SPIDR: variants seen among roughly 807,000 people sequenced by gnomAD.
The protein encoded by SPIDR is DNA repair-scaffolding protein.
A neutral mutation model predicts 104.6 loss-of-function variants in SPIDR; 93 were observed. That is an observed-to-expected ratio of 0.89 (90% CI 0.75 to 1.06). SPIDR has a LOEUF of 1.06. Ranked by LOEUF, SPIDR falls within the 50% of genes least tolerant of loss-of-function variation. SPIDR has a pLI of 0.00. For synonymous variants in SPIDR, 431 were observed against 416.9 expected (o/e 1.03, Z -0.41); for missense variants, 1,154 against 1,111.2 (o/e 1.04, Z -0.55).
At chr8:47,607,814 A>T (rs548448689) in intron 10 of SPIDR, among the ~76,000 whole-genome samples, 1 of 151,984 alleles carries the variant, frequency 6.6e-6, no homozygotes, top group Non-Finnish European at 1.5e-5. Context: ...GAATAAAGAC[A>T]TATCAGAACC....
intron 16 of SPIDR, among the ~76,000 whole-genome samples, chr8:47,725,678 C>T (rs1195960124): frequency 6.6e-6 from 1 of 152,238 alleles, no homozygotes; most frequent in Non-Finnish European, 1.5e-5. Flanking sequence ...GCATGAGCCA[C>T]TGTGCCCAAC....
chr8:47,575,409 C>T (rs902666956), intron 8 of SPIDR, among the ~76,000 whole-genome samples: 2 of 151,628 alleles, frequency 1.3e-5, no homozygotes, highest in African/African-American at 4.8e-5. Context: ...TTTGGGAGGC[C>T]GAGGCGGGCG....
At chr8:47,394,118 G>A (rs1314663071) in intron 5 of SPIDR, among the ~76,000 whole-genome samples, 2 of 152,144 alleles carry the variant, frequency 1.3e-5, no homozygotes, top group African/African-American at 4.8e-5. Context: ...TGTTGGCCAG[G>A]CTGCTTTCAA....
At chr8:47,671,919 A>G (rs1239965503) in intron 10 of SPIDR, among the ~76,000 whole-genome samples, 5 of 151,988 alleles carry the variant, frequency 3.3e-5, no homozygotes, top group Non-Finnish European at 2.9e-5. Flanking sequence ...TTGGATTTCC[A>G]TTTCGTTGTC....
At chr8:47,632,903 G>A (rs1297951751) in intron 10 of SPIDR, among the ~76,000 whole-genome samples, 1 of 152,220 alleles carries the variant, frequency 6.6e-6, no homozygotes, top group Non-Finnish European at 1.5e-5. Flanking sequence ...CAAGGGGCCT[G>A]CAGCGGAAGC....
At chr8:47,498,846 C>T (rs2079871384) in intron 8 of SPIDR, among the ~76,000 whole-genome samples, 1 of 152,076 alleles carries the variant, frequency 6.6e-6, no homozygotes, top group Non-Finnish European at 1.5e-5. Context: ...ATTGCCGTGC[C>T]CTTACTTAGC....
Position 47,505,044 on chromosome 8 carries a change from TGAA to T in SPIDR, c.1097+64504_1097+64506del, listed in dbSNP as rs575172987. Among the ~76,000 whole-genome samples, 961 of 152,268 alleles carry T rather than the reference TGAA, an allele frequency of 6.3e-3. 8 individuals carry two copies. Among genetic ancestry groups the T allele is most frequent in the Non-Finnish European group, 0.011 (720 of 68,006 alleles). ...GTGTGAGGTGTCAGTCTGCCCCTAC[TGAA>T]GGGTGCCTCCCAGTTAGGCTACTCA... On this transcript the variant is annotated intron_variant, in intron 8 of 19. Coordinates refer to ENST00000297423, the MANE Select transcript of SPIDR (RefSeq NM_001080394.4).
At chr8:47,397,608 T>C (rs781838285) in intron 6 of SPIDR, among the ~76,000 whole-genome samples, 12 of 152,080 alleles carry the variant, frequency 7.9e-5, no homozygotes, top group Non-Finnish European at 1.6e-4. Flanking sequence ...AGAGTAAATA[T>C]GATCATGAAG....
At chr8:47,697,515 T>C (rs2079513353) in intron 11 of SPIDR, among the ~76,000 whole-genome samples, 1 of 152,222 alleles carries the variant, frequency 6.6e-6, no homozygotes, top group African/African-American at 2.4e-5. Flanking sequence ...TTCAGCTTCC[T>C]GAGCGTGACT....
intron 8 of SPIDR, among the ~76,000 whole-genome samples, chr8:47,588,603 T>C (rs1361566780): frequency 6.6e-6 from 1 of 152,174 alleles, no homozygotes; most frequent in East Asian, 1.9e-4. Flanking sequence ...TCTGGTACTA[T>C]GTTGAATCAA....
chr8:47,702,049 C>G (rs748569993), intron 14 of SPIDR, 34 bp downstream of exon 14: 60 of 1,278,192 alleles, frequency 4.7e-5, no homozygotes, highest in Non-Finnish European at 6.0e-5. Flanking sequence ...AATCTCTCAG[C>G]CTTTCTCTCT....
intron 14 of SPIDR, among the ~76,000 whole-genome samples, chr8:47,706,271 T>C (rs2081070291): frequency 1.3e-5 from 2 of 152,156 alleles, no homozygotes; most frequent in African/African-American, 4.8e-5. Flanking sequence ...CAGGCGCCTG[T>C]AGTCCCAGCT....
intron 5 of SPIDR, among the ~76,000 whole-genome samples, chr8:47,386,892 AAGAGAG>A (rs376045910): frequency 3.4e-4 from 24 of 70,698 alleles, no homozygotes; most frequent in South Asian, 1.2e-3. Flanking sequence ...GAGAGAGAGA[AAGAGAG>A]AGAGAGATAT....
chr8:47,600,979 C>T (rs562474818), intron 10 of SPIDR, among the ~76,000 whole-genome samples: 1 of 152,244 alleles, frequency 6.6e-6, no homozygotes, highest in Admixed American at 6.5e-5. Flanking sequence ...CCCTCTAGGT[C>T]CTTCAGTGGT....
chr8:47,390,064 G>A lies in SPIDR; in HGVS notation c.526-6312G>A, dbSNP rs1186438014. 2.0e-5 allele frequency among the ~76,000 whole-genome samples: 3 copies of A among 152,142 alleles called. No individual in the cohort carries two copies. In the East Asian group the frequency reaches 5.8e-4, roughly 29 times the overall value. On this transcript the variant is annotated intron_variant, in intron 5 of 19. Transcript: ENST00000297423. ...AATGATCTGGGATGTGCACACTTAA[G>A]TAGGAGAGATAAAACATTTCACACC...
chr8:47,291,350 A>T (rs2039866627), intron 4 of SPIDR, among the ~76,000 whole-genome samples: 1 of 152,240 alleles, frequency 6.6e-6, no homozygotes, highest in Non-Finnish European at 1.5e-5. Context: ...TAGTGACAGT[A>T]CAAAATGCTG....
chr8:47,473,643 C>T (rs1252390695), intron 8 of SPIDR, among the ~76,000 whole-genome samples: 2 of 152,150 alleles, frequency 1.3e-5, no homozygotes, highest in East Asian at 3.9e-4. Context: ...TCAATAGGAT[C>T]TGTGGTTGTA....
In SPIDR at chr8:47,497,555, G is replaced by A. The variant is rs2079637202; in HGVS notation, c.1097+57013G>A. Among the ~76,000 whole-genome samples the A allele has an allele frequency of 2.0e-5, 3 of 152,158 alleles. No homozygotes were observed. The South Asian group carries it at 6.2e-4, about 31-fold the overall frequency. On this transcript the variant is annotated intron_variant, in intron 8 of 19. Coordinates refer to ENST00000297423, the MANE Select transcript of SPIDR (RefSeq NM_001080394.4). ...TGATTTCAAATTTCATTTCGCCGTG[G>A]TCAAATAAGATACCTTGCATGACTT...
chr8:47,703,872 T>C (rs544579446), intron 14 of SPIDR, among the ~76,000 whole-genome samples: 3 of 152,126 alleles, frequency 2.0e-5, no homozygotes, highest in African/African-American at 7.2e-5. Context: ...GTGCGGTGTG[T>C]GTCAGGGAGA....
Sources: allele counts gnomAD v4.1 joint callset (sites outside exome capture counted in the v4.1 genomes callset), GRCh38; gene constraint gnomAD v4.1.1; transcripts MANE v1.5; gene names NCBI Gene and HGNC (gene_info 2026-07-23, HGNC 2026-07-21).